The following HLCS variants were observed in gnomAD, a reference collection of about 807,000 sequenced individuals.
HLCS encodes the protein biotin--protein ligase.
Under a neutral mutation model 75.0 loss-of-function variants are expected in HLCS, and 53 were observed. The observed-to-expected ratio is 0.71, with a 90% CI of 0.57 to 0.89. The LOEUF (loss-of-function observed/expected upper bound fraction) is 0.89, where lower values mean the gene tolerates loss of function less well. Among genes scored for constraint, HLCS ranks in the 40% least tolerant of loss-of-function variants. The pLI is 0.00. For synonymous variants in HLCS, 431 were observed against 428.6 expected, an observed-to-expected ratio of 1.01 and a Z score of -0.07; for missense variants, 966 against 1,074.0, an observed-to-expected ratio of 0.90 and a Z score of 1.41.
At chr21:36,824,050 C>A (rs994101802) in intron 6 of HLCS, among the ~76,000 whole-genome samples, 6 of 152,232 alleles carry the variant, frequency 3.9e-5, no homozygotes, top group Admixed American at 2.6e-4. Context: ...GAGGCCGAGG[C>A]AGGCGGATCA....
At chr21:36,770,020 A>T (rs1162102649) in intron 6 of HLCS, among the ~76,000 whole-genome samples, 1 of 152,212 alleles carries the variant, frequency 6.6e-6, no homozygotes, top group Non-Finnish European at 1.5e-5. Flanking sequence ...AATTCTGATA[A>T]ATTAAGTCAA....
chr21:36,966,591 G>A lies in HLCS; in HGVS notation c.48C>T (p.Arg16=). The change falls in exon 1 of 11, where the codon CGC becomes CGT. Residue 16 remains arginine, a synonymous_variant. Transcript: ENST00000674895. ...CYLYLWARWG[R]RPAELVRATV... Reference sequence around the variant, plus strand: ...TGGCGCGCACGAGCTCAGCCGGCCGGCGACCCCAGCGCGCCCACAGGTACA... The same window carrying A: ...TGGCGCGCACGAGCTCAGCCGGCCGACGACCCCAGCGCGCCCACAGGTACA... 2.0e-6 allele frequency: 2 copies of A among 994,024 alleles called. No homozygotes were observed. The highest frequency in any genetic ancestry group is 6.2e-5 in the Admixed American group (1 of 16,188). The allele number at this position is 994,024 out of a possible 1,614,324, so 61.6% of individuals were successfully genotyped here.
At chr21:36,908,904 T>C (rs940538367) in intron 5 of HLCS, among the ~76,000 whole-genome samples, 1 of 152,062 alleles carries the variant, frequency 6.6e-6, no homozygotes, top group Non-Finnish European at 1.5e-5. Context: ...GAGAACTGAT[T>C]AAGAAAAGTA....
At chr21:36,883,109 C>T (rs1010075041) in intron 6 of HLCS, among the ~76,000 whole-genome samples, 1 of 152,144 alleles carries the variant, frequency 6.6e-6, no homozygotes, top group Admixed American at 6.5e-5. Context: ...CATGCAGAAA[C>T]AGAACATGCT....
chr21:36,958,053 C>T (rs1007421), intron 2 of HLCS, among the ~76,000 whole-genome samples: 93,014 of 151,238 alleles, frequency 0.62, 28,859 homozygotes, highest in East Asian at 0.75. Flanking sequence ...TGGTGAAACA[C>T]CGTCTCTACT....
chr21:36,947,239 G>T, intron 2 of HLCS: 1 of 553,694 alleles, frequency 1.8e-6, no homozygotes, highest in Non-Finnish European at 2.3e-6. Flanking sequence ...TGAGGCAGGA[G>T]ATAAACAAAG....
At chr21:36,805,008 T>C (rs1309062700) in intron 6 of HLCS, among the ~76,000 whole-genome samples, 2 of 152,150 alleles carry the variant, frequency 1.3e-5, no homozygotes, top group African/African-American at 4.8e-5. Flanking sequence ...ATCATCCTTG[T>C]TTTGTATCTG....
At chr21:36,766,575 G>A (rs1473778294) in intron 7 of HLCS, among the ~76,000 whole-genome samples, 1 of 152,236 alleles carries the variant, frequency 6.6e-6, no homozygotes. Context: ...GAGGCTGTGA[G>A]AGTGAGAAGC....
chr21:36,911,717 C>G (rs568333135), intron 5 of HLCS, among the ~76,000 whole-genome samples: 101 of 143,292 alleles, frequency 7.0e-4, no homozygotes, highest in African/African-American at 2.5e-3. Flanking sequence ...CCACTGCACT[C>G]CAGCCTGGGC....
intron 5 of HLCS, among the ~76,000 whole-genome samples, chr21:36,919,224 T>C (rs988817974): frequency 6.6e-5 from 10 of 152,234 alleles, no homozygotes; most frequent in Admixed American, 2.0e-4. Context: ...TCACTCATTA[T>C]TTATATTTAC....
At chr21:36,818,306 G>A (rs953929102) in intron 6 of HLCS, among the ~76,000 whole-genome samples, 1 of 152,204 alleles carries the variant, frequency 6.6e-6, no homozygotes, top group African/African-American at 2.4e-5. Context: ...ACCCTCCCGC[G>A]AGGAGCACAT....
chr21:36,768,532 G>C (rs1424768650), intron 6 of HLCS, among the ~76,000 whole-genome samples: 2 of 152,222 alleles, frequency 1.3e-5, no homozygotes, highest in East Asian at 3.8e-4. Flanking sequence ...GGCGCATGCA[G>C]GCCTCAGTTG....
chr21:36,854,893 G>A (rs762083999), intron 6 of HLCS, among the ~76,000 whole-genome samples: 9 of 152,164 alleles, frequency 5.9e-5, no homozygotes, highest in African/African-American at 7.2e-5. Context: ...TACACAGCAA[G>A]TACTTTCTGT....
chr21:36,783,458 T>A (rs1051575304), intron 6 of HLCS, among the ~76,000 whole-genome samples: 2 of 152,180 alleles, frequency 1.3e-5, no homozygotes, highest in Non-Finnish European at 2.9e-5. Flanking sequence ...CCTTCAATGA[T>A]TGAAATGAAG....
At position 36,807,017 on chromosome 21, in the gene HLCS, C is replaced by T. The variant is rs117060050; in HGVS notation, c.1893-39732G>A. Among the ~76,000 whole-genome samples the T allele has an allele frequency of 2.0e-3, 298 of 152,330 alleles. 4 individuals are homozygous for T. In the East Asian group the frequency reaches 0.05, roughly 25 times the overall value. On this transcript the variant is annotated intron_variant, in intron 6 of 10. Coordinates refer to ENST00000674895, the MANE Select transcript of HLCS (RefSeq NM_001352514.2). The stretch of plus-strand genomic sequence containing the variant: ...CTGCTAATCTTTTGCCATGGGGCTA[C>T]TCATAGCACGTCAGCTTGCTTCCCT...
At position 36,792,506 on chromosome 21, in the gene HLCS, G is replaced by A. The variant is rs934333381; in HGVS notation, c.1893-25221C>T. Among the ~76,000 whole-genome samples the A allele has an allele frequency of 9.9e-5, 15 of 151,516 alleles. 1 individual carries two copies. Among genetic ancestry groups the A allele is most frequent in the Non-Finnish European group, 1.5e-4 (10 of 67,856 alleles). On this transcript the variant is annotated intron_variant, in intron 6 of 10. Transcript: ENST00000674895. ...GGGAAGGGATGGAAGGGAAGGGAGCGGGGGGAGGAGGAGGACGACCATGAT... is the reference window on the plus strand; with the variant it reads ...GGGAAGGGATGGAAGGGAAGGGAGCAGGGGGAGGAGGAGGACGACCATGAT...
Position 36,984,991 on chromosome 21 carries a change from T to G in HLCS, c.-393+5167A>C, listed in dbSNP as rs530661804. On this transcript the variant is annotated intron_variant, in intron 1 of 11. Coordinates refer to the HLCS transcript ENST00000336648. ...TATATATCCATTCAGTGGTACAAAG[T>G]ATAACTTTCTTTCCAGAACCATTTG... Among the ~76,000 whole-genome samples, 12 of 152,220 alleles carry G rather than the reference T, an allele frequency of 7.9e-5. No homozygotes were observed. In the South Asian group the frequency reaches 2.5e-3, roughly 32 times the overall value.
intron 1 of HLCS, among the ~76,000 whole-genome samples, chr21:36,981,808 T>C (rs2069127211): frequency 1.3e-5 from 2 of 152,154 alleles, no homozygotes; most frequent in Non-Finnish European, 2.9e-5. Flanking sequence ...CACAAAAATT[T>C]CAAGCAAAGA....
chr21:36,774,371 T>C (rs1368403389), intron 6 of HLCS, among the ~76,000 whole-genome samples: 1 of 152,174 alleles, frequency 6.6e-6, no homozygotes, highest in Non-Finnish European at 1.5e-5. Flanking sequence ...AGTGTTGATA[T>C]GAACATGGAG....
Sources: gnomAD v4.1 joint callset for allele counts (sites outside exome capture counted in the v4.1 genomes callset) on GRCh38, gnomAD v4.1.1 for gene constraint, MANE v1.5 for transcripts, NCBI Gene and HGNC (gene_info 2026-07-23, HGNC 2026-07-21) for gene names.